MACROD2: variants seen among roughly 807,000 people sequenced by gnomAD.
The protein encoded by MACROD2 is ADP-ribose glycohydrolase MACROD2.
A neutral mutation model predicts 70.4 loss-of-function variants in MACROD2; 36 were observed. The observed-to-expected ratio is 0.51, with a 90% confidence interval of 0.39 to 0.68. MACROD2 has a LOEUF of 0.68. Ranked by LOEUF, MACROD2 falls within the 30% of genes least tolerant of loss-of-function variation. MACROD2 has a pLI of 0.00. For missense variants in MACROD2, 496 were observed against 538.4 expected, an observed-to-expected ratio of 0.92 and a Z score of 0.78; for synonymous variants, 172 against 178.8, an observed-to-expected ratio of 0.96 and a Z score of 0.30.
At chr20:15,960,775 T>C (rs1024095768) in intron 12 of MACROD2, among the ~76,000 whole-genome samples, 3 of 152,142 alleles carry the variant, frequency 2.0e-5, no homozygotes, top group Non-Finnish European at 2.9e-5. Flanking sequence ...TTCTGGCCCA[T>C]CCAGGACAAG....
chr20:15,422,771 A>G (rs1436114409), intron 6 of MACROD2, among the ~76,000 whole-genome samples: 1 of 152,214 alleles, frequency 6.6e-6, no homozygotes, highest in Non-Finnish European at 1.5e-5. Context: ...GTTTCATAGC[A>G]TCACAGAATT....
intron 5 of MACROD2, among the ~76,000 whole-genome samples, chr20:14,739,323 A>G (rs1264663550): frequency 6.6e-6 from 1 of 152,006 alleles, no homozygotes; most frequent in Non-Finnish European, 1.5e-5. Flanking sequence ...AATATGTATG[A>G]TGTATATTGT....
At chr20:14,127,497 A>G in intron 3 of MACROD2, 1 of 492,602 alleles carries the variant, frequency 2.0e-6, no homozygotes, top group Non-Finnish European at 3.7e-6. Context: ...CAAATCATTG[A>G]ATATCTTAAG....
intron 8 of MACROD2, among the ~76,000 whole-genome samples, chr20:15,607,493 T>C (rs1349873437): frequency 1.3e-5 from 2 of 152,224 alleles, no homozygotes; most frequent in Admixed American, 1.3e-4. Context: ...TTTTGCAATC[T>C]TAAAAATCTC....
chr20:15,189,322 G>T (rs553088972), intron 5 of MACROD2, among the ~76,000 whole-genome samples: 4 of 151,958 alleles, frequency 2.6e-5, no homozygotes, highest in Admixed American at 6.6e-5. Context: ...GTGTATGGGG[G>T]TATATATGTA....
intron 8 of MACROD2, among the ~76,000 whole-genome samples, chr20:15,618,973 G>T (rs967690681): frequency 3.3e-5 from 5 of 152,178 alleles, no homozygotes; most frequent in Admixed American, 3.3e-4. Context: ...TGGTTGGCTG[G>T]AGATGAAACC....
chr20:15,364,169 A>C (rs2078385109), intron 6 of MACROD2, among the ~76,000 whole-genome samples: 1 of 152,196 alleles, frequency 6.6e-6, no homozygotes, highest in African/African-American at 2.4e-5. Flanking sequence ...AAAACAACCA[A>C]CATGGACTTC....
Position 15,476,562 on chromosome 20 carries a change from G to T in MACROD2, c.572-23212G>T, listed in dbSNP as rs1031657673. 1.8e-4 allele frequency among the ~76,000 whole-genome samples: 24 copies of T among 130,108 alleles called. No homozygotes were observed. In the East Asian group the frequency reaches 2.6e-3, roughly 14 times the overall value. The allele number at this position is 130,108 out of a possible 152,430, so 85.4% of individuals were successfully genotyped here. The stretch of plus-strand genomic sequence containing the variant: ...GGTTTTCCAATTTTAAAACTATATT[G>T]TTGTTTTGCCCCCCCCCGGTAAGTC... On this transcript the variant is annotated intron_variant, in intron 7 of 17. Coordinates refer to ENST00000684519, the MANE Select transcript of MACROD2 (RefSeq NM_001351661.2).
At position 15,904,531 on chromosome 20, in the gene MACROD2, T is replaced by TTG. The variant is rs566300142; in HGVS notation, c.775+18721_775+18722insGT. Among the ~76,000 whole-genome samples, 165 of 152,224 alleles carry TTG rather than the reference T, an allele frequency of 1.1e-3. 5 individuals carry two copies. In the South Asian group the frequency reaches 0.033, roughly 31 times the overall value. ...GTCTTGTTGCTTTTCAATAAGAAAC[T>TTG]TCCCAGTTAAGGAATGATCATGTAA... On this transcript the variant is annotated intron_variant, in intron 10 of 17. Coordinates refer to ENST00000684519, the MANE Select transcript of MACROD2 (RefSeq NM_001351661.2).
chr20:14,413,358 A>G (rs1471403093), intron 3 of MACROD2, among the ~76,000 whole-genome samples: 3 of 151,752 alleles, frequency 2.0e-5, no homozygotes, highest in Non-Finnish European at 4.4e-5. Context: ...ACTGATATTT[A>G]TAAGTTTAGA....
At chr20:14,102,519 A>C (rs894013238) in intron 3 of MACROD2, among the ~76,000 whole-genome samples, 2 of 152,196 alleles carry the variant, frequency 1.3e-5, no homozygotes, top group African/African-American at 4.8e-5. Flanking sequence ...TAGAAACAAT[A>C]ATGTTCAGAA....
At chr20:15,505,771 C>G (rs1403182035) in intron 8 of MACROD2, among the ~76,000 whole-genome samples, 2 of 152,198 alleles carry the variant, frequency 1.3e-5, no homozygotes, top group African/African-American at 4.8e-5. Flanking sequence ...GGAAAAACCC[C>G]AGCTCTGCAT....
chr20:14,038,501 T>C (rs903206162), intron 2 of MACROD2, among the ~76,000 whole-genome samples: 4 of 152,224 alleles, frequency 2.6e-5, no homozygotes, highest in African/African-American at 9.7e-5. Context: ...AGTGGCAAAG[T>C]TGGGATTTGA....
chr20:14,170,555 G>A (rs2081211609), intron 3 of MACROD2, among the ~76,000 whole-genome samples: 1 of 151,304 alleles, frequency 6.6e-6, no homozygotes. Context: ...TCATCATAAA[G>A]GGATGCTGGA....
At chr20:14,296,875 T>C (rs1427845594) in intron 3 of MACROD2, among the ~76,000 whole-genome samples, 1 of 151,990 alleles carries the variant, frequency 6.6e-6, no homozygotes, top group East Asian at 1.9e-4. Context: ...GTTACTATAC[T>C]TGTTGCAAAT....
intron 3 of MACROD2, among the ~76,000 whole-genome samples, chr20:14,302,431 T>C (rs186283066): frequency 2.0e-3 from 304 of 152,300 alleles, no homozygotes; most frequent in African/African-American, 6.7e-3. Flanking sequence ...GTGAAAATCA[T>C]TGGAAGTCAT....
At chr20:15,052,843 T>C (rs1015132691) in intron 5 of MACROD2, among the ~76,000 whole-genome samples, 4 of 152,210 alleles carry the variant, frequency 2.6e-5, no homozygotes, top group African/African-American at 9.6e-5. Context: ...TTGTGCCAAA[T>C]AGCCAAGTTG....
chr20:15,031,210 T>C (rs889025345), intron 5 of MACROD2, among the ~76,000 whole-genome samples: 12 of 152,154 alleles, frequency 7.9e-5, no homozygotes, highest in Non-Finnish European at 1.2e-4. Context: ...ACCCCGAAGC[T>C]TGGAGACGTC....
chr20:14,502,879 T>A (rs993901634), intron 4 of MACROD2, among the ~76,000 whole-genome samples: 20 of 152,192 alleles, frequency 1.3e-4, no homozygotes, highest in African/African-American at 4.8e-4. Flanking sequence ...CTAACAGTAG[T>A]TCATTTCATC....
Sources: allele counts gnomAD v4.1 joint callset (sites outside exome capture counted in the v4.1 genomes callset), GRCh38; gene constraint gnomAD v4.1.1; transcripts MANE v1.5; gene names NCBI Gene and HGNC (gene_info 2026-07-23, HGNC 2026-07-21).